Variants in TEK observed in about 807,000 individuals in gnomAD.
TEK encodes the protein TEK receptor tyrosine kinase.
Under a neutral mutation model 131.8 loss-of-function variants are expected in TEK, and 43 were observed. The ratio of observed to expected loss-of-function variants is 0.33; its 90% CI spans 0.26 to 0.42. TEK has a LOEUF of 0.42. Among genes scored for constraint, TEK ranks in the 10% least tolerant of loss-of-function variants. The pLI, the probability that TEK is intolerant of heterozygous loss-of-function variation, is 1.00. For missense variants in TEK, 1,162 were observed against 1,384.4 expected (o/e 0.84, Z 2.55); for synonymous variants, 580 against 491.6 (o/e 1.18, Z -2.38).
chr9:27,151,396 G>A (rs7034505), intron 1 of TEK, among the ~76,000 whole-genome samples: 79,382 of 151,922 alleles, frequency 0.52, 21,063 homozygotes, highest in South Asian at 0.61. Flanking sequence ...CTTTAAGATA[G>A]AGAAAGAACA....
At chr9:27,216,958 T>A (rs1345509012) in intron 18 of TEK, among the ~76,000 whole-genome samples, 1 of 152,164 alleles carries the variant, frequency 6.6e-6, no homozygotes, top group Admixed American at 6.5e-5. Context: ...ATAGAGACTT[T>A]GAGGAAACTA....
chr9:27,222,468 G>GTCT (rs1826124308), intron 21 of TEK, among the ~76,000 whole-genome samples: 1 of 152,124 alleles, frequency 6.6e-6, no homozygotes, highest in South Asian at 2.1e-4. Context: ...CAGAGAGAAA[G>GTCT]GTCAGGTTAC....
In TEK at chr9:27,228,244, A is replaced by G. The variant is rs775161615; in HGVS notation, c.3239A>G (p.Tyr1080Cys). 6.2e-7 allele frequency: 1 copy of G among 1,613,162 alleles called. No individual in the cohort carries two copies. The highest frequency in any genetic ancestry group is 8.5e-7 in the Non-Finnish European group (1 of 1,179,290). ...AGACAATGCTGGCGGGAGAAGCCTTATGAGAGGCCATCATTTGCCCAGATA... is the reference window on the plus strand; with the variant it reads ...AGACAATGCTGGCGGGAGAAGCCTTGTGAGAGGCCATCATTTGCCCAGATA... The part of the protein sequence containing the change: ...LMRQCWREKP[Y>C]ERPSFAQILV... Residue 1080 changes from tyrosine (Y) to cysteine (C), a missense_variant, in exon 22 of 23, where the codon TAT becomes TGT. Physicochemically the swap from Tyr to Cys is radical, Grantham distance 194. This residue lies in a region of TEK where 84 missense variants were observed against 80.3 expected (regional missense o/e 1.05). Transcript: ENST00000380036.
At chr9:27,182,691 C>T (rs1824432524) in intron 7 of TEK, among the ~76,000 whole-genome samples, 1 of 152,186 alleles carries the variant, frequency 6.6e-6, no homozygotes, top group African/African-American at 2.4e-5. Context: ...AAATAGTCCA[C>T]AGTTCCCTGA....
chr9:27,203,220 G>A lies in TEK; in HGVS notation c.2209+101G>A, dbSNP rs144408309. 523 of 1,372,980 alleles carry A rather than the reference G, an allele frequency of 3.8e-4. 4 individuals are homozygous for A. In the East Asian group the frequency reaches 4.7e-3, roughly 12 times the overall value. 85.0% of individuals were successfully genotyped at this position (1,372,980 alleles called of 1,614,324 possible). On this transcript the variant is annotated intron_variant, in intron 13 of 22. Coordinates refer to ENST00000380036, the MANE Select transcript of TEK (RefSeq NM_000459.5). ...GTGAGATGAAAGCCTATGAAAAGTC[G>A]GTGGTTGAATGGACAGGCATTTACA...
At chr9:27,129,042 T>C (rs1028022041) in intron 1 of TEK, among the ~76,000 whole-genome samples, 1 of 152,182 alleles carries the variant, frequency 6.6e-6, no homozygotes, top group Non-Finnish European at 1.5e-5. Flanking sequence ...GAGGGCATCC[T>C]TGTCTTGTGC....
intron 1 of TEK, among the ~76,000 whole-genome samples, chr9:27,112,525 A>C (rs985492655): frequency 6.6e-6 from 1 of 152,174 alleles, no homozygotes; most frequent in Non-Finnish European, 1.5e-5. Context: ...GGAAGAGTCT[A>C]GTTCTTCCAA....
chr9:27,194,923 C>A (rs1297972401), intron 11 of TEK, among the ~76,000 whole-genome samples: 1 of 151,942 alleles, frequency 6.6e-6, no homozygotes, highest in Non-Finnish European at 1.5e-5. Flanking sequence ...CAGAAAGGGG[C>A]AGACAGGGAG....
intron 8 of TEK, among the ~76,000 whole-genome samples, chr9:27,184,473 C>A (rs1167299691): frequency 1.3e-5 from 2 of 152,134 alleles, no homozygotes; most frequent in East Asian, 3.9e-4. Context: ...GAGTGACCTT[C>A]TGAGGGAGGA....
chr9:27,129,083 G>C (rs1339938773), intron 1 of TEK, among the ~76,000 whole-genome samples: 1 of 152,078 alleles, frequency 6.6e-6, no homozygotes, highest in Non-Finnish European at 1.5e-5. Context: ...TCCAGTTTTT[G>C]CCCCTTCATT....
chr9:27,222,855 C>CACATTATAA (rs1826143368), intron 21 of TEK, among the ~76,000 whole-genome samples: 1 of 151,806 alleles, frequency 6.6e-6, no homozygotes, highest in African/African-American at 2.4e-5. Context: ...ATCAAATTCA[C>CACATTATAA]ACATTATAAT....
chr9:27,202,045 T>C (rs1490045341), intron 12 of TEK, among the ~76,000 whole-genome samples: 1 of 152,196 alleles, frequency 6.6e-6, no homozygotes, highest in Non-Finnish European at 1.5e-5. Flanking sequence ...TTAGCCTTTA[T>C]TGGATCACGA....
intron 21 of TEK, among the ~76,000 whole-genome samples, chr9:27,227,353 T>A (rs535183599): frequency 6.6e-6 from 1 of 152,342 alleles, no homozygotes; most frequent in Non-Finnish European, 1.5e-5. Flanking sequence ...GTGCAAGATA[T>A]AAATACATGA....
Position 27,185,535 on chromosome 9 carries a change from C to G in TEK, c.1233C>G (p.Ile411Met). Reference sequence around the variant, plus strand: ...ATTTCTCAGTAGCCATATTCACCATCCACCGGATCCTCCCCCCTGACTCAG... The same window carrying G: ...ATTTCTCAGTAGCCATATTCACCATGCACCGGATCCTCCCCCCTGACTCAG... ...TDHFSVAIFT[I>M]HRILPPDSGV... The change falls in exon 9 of 23, where the codon ATC becomes ATG. Residue 411 changes from isoleucine to methionine, a missense_variant. Around this residue, in one of 6 missense-constraint regions of TEK, gnomAD observed 436 missense variants for 539.1 expected, o/e 0.81. Transcript: ENST00000380036. 3.1e-6 allele frequency: 5 copies of G among 1,613,720 alleles called. No individual in the cohort carries two copies. The highest frequency in any genetic ancestry group is 4.2e-6 in the Non-Finnish European group (5 of 1,179,760).
At position 27,122,449 on chromosome 9, in the gene TEK, T is replaced by A. The variant is rs952655213; in HGVS notation, c.52+12807T>A. ...TGGGATAAAATGTTTAAGAGACTTT[T>A]ATGCAGTGGTTTTTGCGGCTACACA... On this transcript the variant is annotated intron_variant, in intron 1 of 22. Coordinates refer to ENST00000380036, the MANE Select transcript of TEK (RefSeq NM_000459.5). Among the ~76,000 whole-genome samples, 5 of 152,126 alleles carry A rather than the reference T, an allele frequency of 3.3e-5. No individual in the cohort carries two copies. The South Asian group carries it at 1.0e-3, about 32-fold the overall frequency.
intron 14 of TEK, among the ~76,000 whole-genome samples, chr9:27,205,970 G>GC (rs1564097269): frequency 9.2e-6 from 1 of 108,658 alleles, no homozygotes; most frequent in Non-Finnish European, 2.1e-5. Context: ...GGTTGGGAGT[G>GC]CTGAGCCTGT....
chr9:27,155,528 C>A (rs534955521), intron 1 of TEK, among the ~76,000 whole-genome samples: 2 of 152,182 alleles, frequency 1.3e-5, no homozygotes, highest in South Asian at 4.1e-4. Flanking sequence ...TTAATTTGTA[C>A]CAAGATTATC....
intron 6 of TEK, among the ~76,000 whole-genome samples, chr9:27,175,537 G>T (rs1824134971): frequency 6.6e-6 from 1 of 152,056 alleles, no homozygotes; most frequent in South Asian, 2.1e-4. Flanking sequence ...GGTATTTCTA[G>T]TTCTAGATCT....
In TEK at chr9:27,175,697, G is replaced by C. The variant is rs556920025; in HGVS notation, c.901+2335G>C. ...TCGCCATTCTAACTGGTGTGAGATGGTATCTCATTGTGGTTTTGATTTGTA... is the reference window on the plus strand; with the variant it reads ...TCGCCATTCTAACTGGTGTGAGATGCTATCTCATTGTGGTTTTGATTTGTA... On this transcript the variant is annotated intron_variant, in intron 6 of 22. Coordinates refer to ENST00000380036, the MANE Select transcript of TEK (RefSeq NM_000459.5). Among the ~76,000 whole-genome samples, 53 of 152,174 alleles carry C rather than the reference G, an allele frequency of 3.5e-4. No individual in the cohort carries two copies. The South Asian group carries it at 0.011, about 32-fold the overall frequency.
Sources: allele counts gnomAD v4.1 joint callset (sites outside exome capture counted in the v4.1 genomes callset), GRCh38; gene constraint gnomAD v4.1.1; regional missense constraint gnomAD v4.1.1; transcripts MANE v1.5; gene names NCBI Gene and HGNC (gene_info 2026-07-23, HGNC 2026-07-21).